NKAIN2: variants seen among roughly 807,000 people sequenced by gnomAD.
NKAIN2 encodes sodium/potassium transporting ATPase interacting 2, also known as sodium/potassium-transporting ATPase subunit beta-1-interacting protein 2.
A neutral mutation model predicts 32.6 loss-of-function variants in NKAIN2; 14 were observed. That is an observed-to-expected ratio of 0.43 (90% confidence interval 0.28 to 0.67). NKAIN2 has a LOEUF of 0.67. NKAIN2 is among the 30% of genes least tolerant of loss of function. NKAIN2 has a pLI of 0.17. For missense variants in NKAIN2, 198 were observed against 258.3 expected (o/e 0.77, Z 1.60); for synonymous variants, 80 against 87.2 (o/e 0.92, Z 0.46).
chr6:124,267,398 C>T (rs747241027), intron 1 of NKAIN2, among the ~76,000 whole-genome samples: 16 of 149,488 alleles, frequency 1.1e-4, no homozygotes, highest in Non-Finnish European at 1.9e-4. Flanking sequence ...AATCCCAGCA[C>T]TTTGGGATGC....
intron 1 of NKAIN2, among the ~76,000 whole-genome samples, chr6:124,251,128 A>C (rs1018649508): frequency 6.6e-5 from 10 of 152,018 alleles, no homozygotes; most frequent in Admixed American, 1.3e-4. Context: ...ACATAAAATA[A>C]GTTTGTGGAA....
intron 3 of NKAIN2, among the ~76,000 whole-genome samples, chr6:124,534,038 G>A (rs909155703): frequency 5.4e-4 from 82 of 152,254 alleles, no homozygotes; most frequent in African/African-American, 1.9e-3. Flanking sequence ...TTCAACGTAT[G>A]AATTTGGAAG....
chr6:124,305,006 C>A (rs995870205), intron 2 of NKAIN2, among the ~76,000 whole-genome samples: 2 of 151,766 alleles, frequency 1.3e-5, no homozygotes, highest in African/African-American at 2.4e-5. Flanking sequence ...AACAAGATTG[C>A]TGTAGGTTAA....
intron 1 of NKAIN2, among the ~76,000 whole-genome samples, chr6:123,984,532 T>C (rs929867031): frequency 6.6e-6 from 1 of 152,150 alleles, no homozygotes; most frequent in Non-Finnish European, 1.5e-5. Context: ...AGAAAAAAGA[T>C]ATAGAACCTA....
intron 1 of NKAIN2, among the ~76,000 whole-genome samples, chr6:124,253,665 A>T (rs1010258869): frequency 7.2e-5 from 11 of 152,142 alleles, no homozygotes; most frequent in African/African-American, 2.7e-4. Context: ...GATAGCATTC[A>T]TTATAAAATT....
chr6:124,557,719 A>C (rs565321105), intron 3 of NKAIN2, among the ~76,000 whole-genome samples: 1 of 152,184 alleles, frequency 6.6e-6, no homozygotes, highest in African/African-American at 2.4e-5. Context: ...AGAAAGCATA[A>C]TTTACGATGC....
chr6:124,319,963 T>TA (rs536661254), intron 2 of NKAIN2, among the ~76,000 whole-genome samples: 14 of 152,184 alleles, frequency 9.2e-5, no homozygotes, highest in Admixed American at 3.3e-4. Context: ...AAAATGGGTT[T>TA]AAAAAAATAC....
At chr6:124,427,942 G>A (rs1315920589) in intron 3 of NKAIN2, among the ~76,000 whole-genome samples, 1 of 151,938 alleles carries the variant, frequency 6.6e-6, no homozygotes, top group Non-Finnish European at 1.5e-5. Context: ...TTAAAATTAA[G>A]TATTACTTAA....
chr6:124,270,908 T>C (rs1331394956), intron 1 of NKAIN2, among the ~76,000 whole-genome samples: 5 of 152,228 alleles, frequency 3.3e-5, no homozygotes, highest in Non-Finnish European at 7.3e-5. Context: ...TGAAAATTTC[T>C]GCCCTAAAAT....
At chr6:124,299,181 A>G (rs981082403) in intron 2 of NKAIN2, among the ~76,000 whole-genome samples, 1 of 152,218 alleles carries the variant, frequency 6.6e-6, no homozygotes, top group African/African-American at 2.4e-5. Flanking sequence ...AGCAGCAGCC[A>G]CAGCAGCAGA....
At chr6:124,039,347 A>G (rs1484258067) in intron 1 of NKAIN2, among the ~76,000 whole-genome samples, 5 of 151,922 alleles carry the variant, frequency 3.3e-5, no homozygotes, top group Non-Finnish European at 7.4e-5. Flanking sequence ...TGTTTTTAGA[A>G]TTACAAAATA....
chr6:124,052,637 G>C (rs1782465258), intron 1 of NKAIN2, among the ~76,000 whole-genome samples: 1 of 152,012 alleles, frequency 6.6e-6, no homozygotes, highest in Non-Finnish European at 1.5e-5. Flanking sequence ...CACAACAAAA[G>C]CTATACCAAA....
intron 4 of NKAIN2, among the ~76,000 whole-genome samples, chr6:124,759,040 G>A (rs146226448): frequency 1.8e-4 from 28 of 151,922 alleles, no homozygotes; most frequent in Admixed American, 5.9e-4. Context: ...CTTCCTTAAC[G>A]CTATTCATTT....
chr6:124,510,965 T>C (rs1778687028), intron 3 of NKAIN2, among the ~76,000 whole-genome samples: 1 of 152,186 alleles, frequency 6.6e-6, no homozygotes, highest in Non-Finnish European at 1.5e-5. Flanking sequence ...AAACAATACA[T>C]TCATCTCAAT....
intron 4 of NKAIN2, among the ~76,000 whole-genome samples, chr6:124,728,852 G>T (rs1414803317): frequency 2.3e-4 from 35 of 151,638 alleles, no homozygotes; most frequent in Non-Finnish European, 1.3e-4. Flanking sequence ...TCTAATAGAC[G>T]CAATAAAAAA....
chr6:123,977,602 C>T (rs1037744821), intron 1 of NKAIN2, among the ~76,000 whole-genome samples: 2 of 152,038 alleles, frequency 1.3e-5, no homozygotes, highest in African/African-American at 4.8e-5. Flanking sequence ...GAATAATTTC[C>T]TTATTAATTA....
intron 3 of NKAIN2, among the ~76,000 whole-genome samples, chr6:124,409,715 G>T (rs1774061610): frequency 6.6e-6 from 1 of 152,186 alleles, no homozygotes; most frequent in African/African-American, 2.4e-5. Flanking sequence ...CATAAAATGA[G>T]TTAGGGAGGA....
intron 1 of NKAIN2, among the ~76,000 whole-genome samples, chr6:123,943,334 A>C (rs898187298): frequency 1.3e-5 from 2 of 152,036 alleles, no homozygotes; most frequent in East Asian, 3.9e-4. Context: ...TTTCACCCTA[A>C]ATAGTAAGTT....
At chr6:124,604,754 T>G (rs1782435804) in intron 3 of NKAIN2, among the ~76,000 whole-genome samples, 1 of 151,934 alleles carries the variant, frequency 6.6e-6, no homozygotes, top group South Asian at 2.1e-4. Context: ...ACGCTCCCAG[T>G]TACTTTATTC....
Sources: gnomAD v4.1 joint callset for allele counts (sites outside exome capture counted in the v4.1 genomes callset) on GRCh38, gnomAD v4.1.1 for gene constraint, MANE v1.5 for transcripts, NCBI Gene and HGNC (gene_info 2026-07-23, HGNC 2026-07-21) for gene names.